SLC30A8: variants seen among roughly 807,000 people sequenced by gnomAD.
The protein encoded by SLC30A8 is proton-coupled zinc antiporter SLC30A8.
A neutral mutation model predicts 36.9 loss-of-function variants in SLC30A8; 27 were observed. The ratio of observed to expected loss-of-function variants is 0.73; its 90% CI spans 0.54 to 1.01. The LOEUF (loss-of-function observed/expected upper bound fraction) is 1.01, where lower values mean the gene tolerates loss of function less well. SLC30A8 is among the 50% of genes least tolerant of loss of function. The probability of loss-of-function intolerance (pLI) is 0.00; values close to 1 mark genes in which losing one functional copy is unlikely to be tolerated. For synonymous variants in SLC30A8, 164 were observed against 172.4 expected (o/e 0.95, Z 0.38); for missense variants, 439 against 452.0 (o/e 0.97, Z 0.26).
At chr8:117,013,911 T>G (rs1310556866) in intron 1 of SLC30A8, among the ~76,000 whole-genome samples, 1 of 152,184 alleles carries the variant, frequency 6.6e-6, no homozygotes, top group Non-Finnish European at 1.5e-5. Flanking sequence ...TGATAGCACA[T>G]TTAAGGATAA....
At chr8:117,158,831 A>G (rs1822635340) in intron 4 of SLC30A8, among the ~76,000 whole-genome samples, 1 of 152,214 alleles carries the variant, frequency 6.6e-6, no homozygotes, top group African/African-American at 2.4e-5. Flanking sequence ...GGACAGAATA[A>G]TGACCCATTC....
chr8:117,170,737 A>T (rs1475935071), intron 6 of SLC30A8, among the ~76,000 whole-genome samples: 1 of 152,200 alleles, frequency 6.6e-6, no homozygotes, highest in Non-Finnish European at 1.5e-5. Flanking sequence ...TCCAGAGTGT[A>T]TATAAAGATA....
chr8:117,142,637 G>A (rs538578222), intron 1 of SLC30A8, among the ~76,000 whole-genome samples: 19 of 152,216 alleles, frequency 1.2e-4, no homozygotes, highest in African/African-American at 4.3e-4. Context: ...CTCCAGCAAT[G>A]CCCTCTACTT....
In SLC30A8 at chr8:117,054,236, C is replaced by T. The variant is rs201099161; in HGVS notation, c.-226+14978C>T. Among the ~76,000 whole-genome samples, 9 of 151,610 alleles carry T rather than the reference C, an allele frequency of 5.9e-5. No individual in the cohort carries two copies. In the East Asian group the frequency reaches 1.8e-3, roughly 29 times the overall value. On this transcript the variant is annotated intron_variant, in intron 2 of 10. Coordinates refer to the SLC30A8 transcript ENST00000427715. ...ACCTCAGCCTTCTGAGTAGCTGGGA[C>T]GACAGGCGTGTGGTACCGCACCTGG...
intron 2 of SLC30A8, among the ~76,000 whole-genome samples, chr8:117,067,881 C>A (rs184268444): frequency 1.2e-4 from 19 of 152,106 alleles, no homozygotes; most frequent in Middle Eastern, 3.2e-3. Context: ...CCTAAATTGA[C>A]GGCAATTTAA....
At chr8:117,155,800 G>T (rs568913012) in intron 3 of SLC30A8, among the ~76,000 whole-genome samples, 18 of 152,234 alleles carry the variant, frequency 1.2e-4, no homozygotes, top group East Asian at 3.9e-4. Context: ...TCAGTTCCAG[G>T]CCTCTCTCTT....
At chr8:117,106,184 C>T (rs1819986480) in intron 2 of SLC30A8, among the ~76,000 whole-genome samples, 1 of 152,148 alleles carries the variant, frequency 6.6e-6, no homozygotes, top group Non-Finnish European at 1.5e-5. Context: ...ATCTGTACTA[C>T]TTAATAGTAG....
chr8:117,160,428 TGTGTGTGC>T (rs1204362964), intron 4 of SLC30A8, among the ~76,000 whole-genome samples: 1 of 145,076 alleles, frequency 6.9e-6, no homozygotes, highest in African/African-American at 2.8e-5. Flanking sequence ...TGTGTGTGTG[TGTGTGTGC>T]GCGCACATGT....
At chr8:117,136,555 G>T (rs527547773) in intron 1 of SLC30A8, among the ~76,000 whole-genome samples, 3 of 151,916 alleles carry the variant, frequency 2.0e-5, no homozygotes, top group African/African-American at 7.2e-5. Context: ...TTATAAAAAG[G>T]ATATTTATAA....
chr8:117,036,691 G>A (rs1175877652), intron 1 of SLC30A8, among the ~76,000 whole-genome samples: 2 of 152,082 alleles, frequency 1.3e-5, no homozygotes, highest in East Asian at 1.9e-4. Context: ...CCACTAACAC[G>A]AGAATAGCAT....
intron 1 of SLC30A8, among the ~76,000 whole-genome samples, chr8:117,037,278 C>T (rs1317195086): frequency 1.3e-5 from 2 of 152,166 alleles, no homozygotes; most frequent in Non-Finnish European, 2.9e-5. Flanking sequence ...CTACATTCTC[C>T]TTATTCACCA....
intron 1 of SLC30A8, among the ~76,000 whole-genome samples, chr8:116,963,602 T>C (rs1346137555): frequency 6.6e-6 from 1 of 152,260 alleles, no homozygotes; most frequent in Non-Finnish European, 1.5e-5. Context: ...TTTCTTTTTA[T>C]GGCTGAATAA....
intron 1 of SLC30A8, among the ~76,000 whole-genome samples, chr8:117,006,554 G>A (rs1056155008): frequency 6.6e-6 from 1 of 152,082 alleles, no homozygotes; most frequent in African/African-American, 2.4e-5. Flanking sequence ...TTTCCAAGAA[G>A]CTGGGAAAGC....
chr8:116,971,932 T>C (rs1814808567), intron 1 of SLC30A8, among the ~76,000 whole-genome samples: 1 of 152,208 alleles, frequency 6.6e-6, no homozygotes, highest in African/African-American at 2.4e-5. Context: ...TCTCTGAAAT[T>C]TAGTAGGTGA....
intron 2 of SLC30A8, among the ~76,000 whole-genome samples, chr8:117,151,595 G>A (rs903894386): frequency 6.6e-6 from 1 of 152,144 alleles, no homozygotes; most frequent in Admixed American, 6.5e-5. Context: ...TTTCTCAGGT[G>A]CCTCCTGCCT....
chr8:117,026,799 T>C (rs944660281), intron 1 of SLC30A8, among the ~76,000 whole-genome samples: 2 of 152,176 alleles, frequency 1.3e-5, no homozygotes, highest in Non-Finnish European at 2.9e-5. Context: ...CTTTATCTTG[T>C]TTAATCCTCA....
chr8:116,953,046 C>A (rs1433763947), intron 1 of SLC30A8, among the ~76,000 whole-genome samples: 2 of 151,472 alleles, frequency 1.3e-5, no homozygotes, highest in Non-Finnish European at 2.9e-5. Context: ...TTTTAGTAGA[C>A]CCCCATGTCT....
At chr8:117,146,584 T>C (rs1821904512) in intron 1 of SLC30A8, among the ~76,000 whole-genome samples, 1 of 151,550 alleles carries the variant, frequency 6.6e-6, no homozygotes, top group Non-Finnish European at 1.5e-5. Context: ...GTACCCTAAT[T>C]TATTTTATTA....
intron 1 of SLC30A8, among the ~76,000 whole-genome samples, chr8:116,985,121 A>G (rs1463194663): frequency 3.3e-5 from 5 of 152,112 alleles, no homozygotes; most frequent in Non-Finnish European, 7.4e-5. Flanking sequence ...TTTACTAACT[A>G]GTTTTATATT....
Sources: gnomAD v4.1 joint callset for allele counts (sites outside exome capture counted in the v4.1 genomes callset) on GRCh38, gnomAD v4.1.1 for gene constraint, MANE v1.5 for transcripts, NCBI Gene and HGNC (gene_info 2026-07-23, HGNC 2026-07-21) for gene names.